Variants in PELI2 observed in about 807,000 individuals in gnomAD.
PELI2 encodes the protein pellino E3 ubiquitin protein ligase family member 2, also known as E3 ubiquitin-protein ligase pellino homolog 2.
In PELI2, 23 loss-of-function variants were observed where a neutral mutation model predicts 42.3. That is an observed-to-expected ratio of 0.54 (90% CI 0.39 to 0.77). The LOEUF (loss-of-function observed/expected upper bound fraction) is 0.77. Among genes scored for constraint, PELI2 ranks in the 30% least tolerant of loss-of-function variants. The probability of loss-of-function intolerance (pLI) is 0.00; values close to 1 mark genes in which losing one functional copy is unlikely to be tolerated. For missense variants in PELI2, 463 were observed against 553.2 expected (o/e 0.84, Z 1.64); for synonymous variants, 245 against 212.2 (o/e 1.15, Z -1.34).
At chr14:56,195,201 A>G (rs773662152) in intron 2 of PELI2, among the ~76,000 whole-genome samples, 1 of 152,224 alleles carries the variant, frequency 6.6e-6, no homozygotes, top group Non-Finnish European at 1.5e-5. Flanking sequence ...CCTTATAACC[A>G]TCCTTCTAAA....
chr14:56,288,664 T>C lies in PELI2; in HGVS notation c.507+30T>C, dbSNP rs1566686238. On this transcript the variant is annotated intron_variant, in intron 4 of 5. Transcript: ENST00000267460. The surrounding 1 kb of genome is among the most constrained non-coding windows in gnomAD (Gnocchi z 4.6). The stretch of plus-strand genomic sequence containing the variant: ...GTACTGTCAAGAAGTACACGATTTC[T>C]AGAAAAATGCTTGTGATTATGATAT... 1.3e-6 allele frequency: 2 copies of C among 1,530,292 alleles called. No individual in the cohort carries two copies. The highest frequency in any genetic ancestry group is 4.6e-5 in the East Asian group (2 of 43,232). The allele number at this position is 1,530,292 out of a possible 1,614,324, so 94.8% of individuals were successfully genotyped here. A position where few individuals can be genotyped will look rare whatever the true frequency, so the allele number is the denominator to read the frequency against.
At chr14:56,157,584 T>C (rs1384800886) in intron 1 of PELI2, among the ~76,000 whole-genome samples, 1 of 152,240 alleles carries the variant, frequency 6.6e-6, no homozygotes, top group Non-Finnish European at 1.5e-5. Flanking sequence ...AAATGATTTG[T>C]AAAAATTATC....
In PELI2 at chr14:56,145,888, T is replaced by G. The variant is rs375227559; in HGVS notation, c.77+27151T>G. Among the ~76,000 whole-genome samples, 23 of 152,358 alleles carry G rather than the reference T, an allele frequency of 1.5e-4. No individual in the cohort carries two copies. The East Asian group carries it at 2.1e-3, about 14-fold the overall frequency. On this transcript the variant is annotated intron_variant, in intron 1 of 5. Coordinates refer to ENST00000267460, the MANE Select transcript of PELI2 (RefSeq NM_021255.3). ...ACTTACATTACTTTTGTTATAATAT[T>G]ACTGAAGTATGTAGAAACCTGTAAC...
intron 2 of PELI2, among the ~76,000 whole-genome samples, chr14:56,211,170 G>A (rs931311990): frequency 4.6e-5 from 7 of 152,198 alleles, no homozygotes; most frequent in Non-Finnish European, 1.0e-4. Flanking sequence ...CTCCATCACC[G>A]CTGTCGAGTG....
rs1319723720 is a variant in PELI2 at position 56,197,264 on chromosome 14, A to G, written c.207+18800A>G. On this transcript the variant is annotated intron_variant, in intron 2 of 5. Coordinates refer to ENST00000267460, the MANE Select transcript of PELI2 (RefSeq NM_021255.3). This position sits in a 1 kb window ranked among gnomAD's most constrained non-coding sequence, Gnocchi z 4.9. Reference sequence around the variant, plus strand: ...AGAATACTGTGAGGGCCAGGGACACATATTTAAGTTTTGATGAGTTATGAA... The same window carrying G: ...AGAATACTGTGAGGGCCAGGGACACGTATTTAAGTTTTGATGAGTTATGAA... 6.6e-6 allele frequency among the ~76,000 whole-genome samples: 1 copy of G among 152,214 alleles called. No homozygotes were observed. The highest frequency in any genetic ancestry group is 1.5e-5 in the Non-Finnish European group (1 of 68,038).
intron 2 of PELI2, among the ~76,000 whole-genome samples, chr14:56,189,811 A>C (rs544522558): frequency 1.3e-5 from 2 of 152,360 alleles, no homozygotes; most frequent in Admixed American, 1.3e-4. Context: ...TAAACTTTAC[A>C]ATTTAAATGT....
intron 2 of PELI2, among the ~76,000 whole-genome samples, chr14:56,230,440 A>C (rs945412379): frequency 6.6e-6 from 1 of 152,256 alleles, no homozygotes; most frequent in African/African-American, 2.4e-5. Context: ...AGTGGGGGCC[A>C]GTATTCAACA....
In PELI2 at chr14:56,297,172, T is replaced by G. The variant is rs775575877; in HGVS notation, c.*6T>G. The G allele has an allele frequency of 7.6e-6, 12 of 1,580,934 alleles. No homozygotes were observed. Among genetic ancestry groups the G allele is most frequent in the Non-Finnish European group, 9.4e-6 (11 of 1,164,902 alleles). On this transcript the variant is annotated 3_prime_UTR_variant, in exon 6 of 6. Transcript: ENST00000267460. ...TCCAAGGTCCAATTGACTGACGCCC[T>G]TGACAGCCATCTACGACTTTATTAA... is the stretch of plus-strand genomic sequence containing the variant.
At chr14:56,243,657 T>C (rs1418388110) in intron 2 of PELI2, among the ~76,000 whole-genome samples, 3 of 152,240 alleles carry the variant, frequency 2.0e-5, no homozygotes, top group Admixed American at 2.0e-4. Flanking sequence ...GTCATTATTA[T>C]TGTGTTGTTT....
intron 1 of PELI2, among the ~76,000 whole-genome samples, chr14:56,171,115 C>G (rs748836229): frequency 2.0e-5 from 3 of 152,128 alleles, no homozygotes; most frequent in African/African-American, 7.2e-5. Flanking sequence ...GGGCTCTATT[C>G]TACTATACAA....
chr14:56,131,251 TA>T (rs1327563813), intron 1 of PELI2, among the ~76,000 whole-genome samples: 4 of 152,240 alleles, frequency 2.6e-5, no homozygotes, highest in Non-Finnish European at 5.9e-5. Context: ...GTGCCAGCTC[TA>T]AGGCTTTGAT....
intron 2 of PELI2, among the ~76,000 whole-genome samples, chr14:56,276,619 C>A (rs1889299783): frequency 6.6e-6 from 1 of 152,154 alleles, no homozygotes; most frequent in Non-Finnish European, 1.5e-5. Flanking sequence ...GTGTGCATTA[C>A]CTGCTGCCCC....
intron 2 of PELI2, among the ~76,000 whole-genome samples, chr14:56,210,218 G>A (rs1683835946): frequency 6.6e-6 from 1 of 152,160 alleles, no homozygotes; most frequent in Non-Finnish European, 1.5e-5. Flanking sequence ...AGAGGGGTGC[G>A]GAGGAGGAAG....
chr14:56,192,941 A>G (rs1408533557), intron 2 of PELI2, among the ~76,000 whole-genome samples: 1 of 152,192 alleles, frequency 6.6e-6, no homozygotes, highest in Non-Finnish European at 1.5e-5. Flanking sequence ...AAAATTTCTT[A>G]ACAAATTATT....
intron 2 of PELI2, among the ~76,000 whole-genome samples, chr14:56,208,305 G>C (rs1886588702): frequency 1.3e-5 from 2 of 152,220 alleles, no homozygotes. Context: ...TTCCAGAAGA[G>C]ATGTCATCTA....
Position 56,176,435 on chromosome 14 carries a change from C to T in PELI2, c.78-1900C>T, listed in dbSNP as rs1048771344. Among the ~76,000 whole-genome samples, 4 of 152,096 alleles carry T rather than the reference C, an allele frequency of 2.6e-5. No homozygotes were observed. In the South Asian group the frequency reaches 6.2e-4, roughly 24 times the overall value. On this transcript the variant is annotated intron_variant, in intron 1 of 5. Transcript: ENST00000267460. ...TACATACAGGGGAGAAAGCCAGTGG[C>T]GGTGGGTTGAGCGGGAGAACCACAA...
At chr14:56,232,778 G>T (rs1887635757) in intron 2 of PELI2, among the ~76,000 whole-genome samples, 1 of 133,408 alleles carries the variant, frequency 7.5e-6, no homozygotes, top group African/African-American at 2.6e-5. Context: ...GCAGGAGAAA[G>T]AAATAAAGGG....
intron 1 of PELI2, among the ~76,000 whole-genome samples, chr14:56,155,213 A>G (rs991152908): frequency 4.7e-5 from 7 of 148,520 alleles, no homozygotes; most frequent in African/African-American, 1.7e-4. Context: ...TCAGATTTTT[A>G]TGTATTCAAG....
chr14:56,297,223 T>A lies in PELI2; in HGVS notation c.*57T>A. On this transcript the variant is annotated 3_prime_UTR_variant, in exon 6 of 6. Coordinates refer to ENST00000267460, the MANE Select transcript of PELI2 (RefSeq NM_021255.3). The stretch of plus-strand genomic sequence containing the variant: ...CAGGTTACTGTGAAGATTTTGCCAC[T>A]AACTCTAGATTTTACCTTTTTGTAA... 8.2e-7 allele frequency: 1 copy of A among 1,220,144 alleles called. No homozygotes were observed. The highest frequency in any genetic ancestry group is 1.1e-6 in the Non-Finnish European group (1 of 869,590). 75.6% of individuals were successfully genotyped at this position (1,220,144 alleles called of 1,614,324 possible).
Sources: gnomAD v4.1 joint callset for allele counts (sites outside exome capture counted in the v4.1 genomes callset) on GRCh38, gnomAD v4.1.1 for gene constraint, Gnocchi (gnomAD v3.1) non-coding constraint, MANE v1.5 for transcripts, NCBI Gene and HGNC (gene_info 2026-07-23, HGNC 2026-07-21) for gene names.